The following SEC23A variants were observed in gnomAD, a reference collection of about 807,000 sequenced individuals.
SEC23A encodes SEC23 homolog A, COPII component.
In SEC23A, 56 loss-of-function variants were observed where a neutral mutation model predicts 103.7. That is an observed-to-expected ratio of 0.54 (90% CI 0.44 to 0.67). SEC23A has a LOEUF of 0.67. SEC23A is among the 30% of genes least tolerant of loss of function. The pLI, the probability that SEC23A is intolerant of heterozygous loss-of-function variation, is 0.00. For missense variants in SEC23A, 784 were observed against 936.4 expected, an observed-to-expected ratio of 0.84 and a Z score of 2.12; for synonymous variants, 281 against 293.0, an observed-to-expected ratio of 0.96 and a Z score of 0.42.
intron 3 of SEC23A, 51 bp downstream of exon 3, chr14:39,093,136 G>C: frequency 6.7e-7 from 1 of 1,498,312 alleles, no homozygotes; most frequent in Non-Finnish European, 9.2e-7. Flanking sequence ...CAAAGTGCTG[G>C]GATTACAGGC....
At chr14:39,098,790 TAATAA>T (rs1887982486) in intron 1 of SEC23A, among the ~76,000 whole-genome samples, 1 of 148,066 alleles carries the variant, frequency 6.8e-6, no homozygotes, top group African/African-American at 2.5e-5. Context: ...AAAAAAAATT[TAATAA>T]AATAAAATGA....
At chr14:39,094,438 ATATATTTTTTTTTTT>A (rs1887814811) in intron 2 of SEC23A, among the ~76,000 whole-genome samples, 2 of 15,668 alleles carry the variant, frequency 1.3e-4, no homozygotes, top group African/African-American at 1.3e-3. Flanking sequence ...ATATATATAT[ATATATTTTTTTTTTT>A]TTTTTTTCCC....
chr14:39,067,054 AAAAT>A (rs1886692533), intron 10 of SEC23A, 115 bp downstream of exon 10: 1 of 1,303,314 alleles, frequency 7.7e-7, no homozygotes, highest in Admixed American at 1.7e-5. Context: ...GTTTCAATAT[AAAAT>A]AACCACAATT....
At chr14:39,071,088 A>C (rs1886827051) in intron 9 of SEC23A, among the ~76,000 whole-genome samples, 1 of 152,066 alleles carries the variant, frequency 6.6e-6, no homozygotes, top group Non-Finnish European at 1.5e-5. Flanking sequence ...ACACAAGGAT[A>C]TTCACTCTCA....
chr14:39,033,187 G>A lies in SEC23A; in HGVS notation c.*52C>T. On this transcript the variant is annotated 3_prime_UTR_variant, in exon 20 of 20. Coordinates refer to ENST00000307712, the MANE Select transcript of SEC23A (RefSeq NM_006364.4). The stretch of plus-strand genomic sequence containing the variant: ...CAGATAAATGGAAAAAGGAAAAAAT[G>A]AAATTTGAATATTATTTCATCTTCT... 7.3e-7 allele frequency: 1 copy of A among 1,362,182 alleles called. No homozygotes were observed. Among genetic ancestry groups the A allele is most frequent in the Non-Finnish European group, 1.1e-6 (1 of 950,962 alleles). 84.4% of individuals were successfully genotyped at this position (1,362,182 alleles called of 1,614,324 possible).
intron 14 of SEC23A, among the ~76,000 whole-genome samples, chr14:39,049,103 G>A (rs1469765145): frequency 6.6e-6 from 1 of 151,892 alleles, no homozygotes; most frequent in Non-Finnish European, 1.5e-5. Context: ...CACTTTGGGA[G>A]GCCAAGGTGG....
intron 13 of SEC23A, among the ~76,000 whole-genome samples, chr14:39,059,409 C>T (rs1886391123): frequency 6.6e-6 from 1 of 150,534 alleles, no homozygotes; most frequent in South Asian, 2.1e-4. Context: ...CACCATAACA[C>T]ACATATGTCT....
intron 1 of SEC23A, among the ~76,000 whole-genome samples, chr14:39,098,078 G>A (rs1024382941): frequency 6.6e-6 from 1 of 150,924 alleles, no homozygotes; most frequent in Non-Finnish European, 1.5e-5. Flanking sequence ...GACAGAACAA[G>A]ACTCCATCTC....
At chr14:39,074,645 G>C in intron 8 of SEC23A, 115 bp from the exon 9 acceptor site, 1 of 659,508 alleles carries the variant, frequency 1.5e-6, no homozygotes, top group South Asian at 1.7e-5. Flanking sequence ...TTTAAATTAT[G>C]ATTAGTTATT....
intron 2 of SEC23A, among the ~76,000 whole-genome samples, chr14:39,094,397 CAT>C (rs1242407974): frequency 7.6e-4 from 6 of 7,906 alleles, no homozygotes; most frequent in Non-Finnish European, 5.9e-4. Flanking sequence ...CACACACACA[CAT>C]ATATATATAT....
chr14:39,042,986 T>C, intron 16 of SEC23A, 114 bp from the exon 17 acceptor site: 1 of 732,596 alleles, frequency 1.4e-6, no homozygotes, highest in Non-Finnish European at 2.2e-6. Context: ...TTTATTTATT[T>C]ATTTTTTTGG....
At chr14:39,087,159 G>T in intron 5 of SEC23A, 151 bp from the exon 6 acceptor site, 1 of 647,838 alleles carries the variant, frequency 1.5e-6, no homozygotes. Context: ...GAATCCAGTG[G>T]GAGAGATTAT....
At chr14:39,061,100 AG>A (rs1886456865) in intron 13 of SEC23A, among the ~76,000 whole-genome samples, 1 of 152,182 alleles carries the variant, frequency 6.6e-6, no homozygotes, top group Admixed American at 6.5e-5. Context: ...TAAAACAGGG[AG>A]TTTGTTTTAA....
At chr14:39,054,019 A>C (rs1350718984) in intron 14 of SEC23A, among the ~76,000 whole-genome samples, 1 of 152,196 alleles carries the variant, frequency 6.6e-6, no homozygotes, top group Non-Finnish European at 1.5e-5. Context: ...TCATGCCTGT[A>C]ATCCCAACAC....
intron 9 of SEC23A, among the ~76,000 whole-genome samples, chr14:39,071,420 C>T (rs1472370813): frequency 6.6e-6 from 1 of 152,092 alleles, no homozygotes; most frequent in African/African-American, 2.4e-5. Context: ...CATGGTGCTA[C>T]ATGCCTGTAA....
chr14:39,082,143 T>C (rs1427786146), intron 7 of SEC23A, among the ~76,000 whole-genome samples: 2 of 152,110 alleles, frequency 1.3e-5, no homozygotes, highest in South Asian at 2.1e-4. Flanking sequence ...GGGGAAAACT[T>C]AAGCATCAAA....
intron 13 of SEC23A, among the ~76,000 whole-genome samples, chr14:39,055,877 C>T (rs1886228619): frequency 6.6e-5 from 10 of 152,236 alleles, no homozygotes; most frequent in Admixed American, 5.9e-4. Flanking sequence ...CTAGCAACTT[C>T]AAGTAGTCTG....
intron 14 of SEC23A, among the ~76,000 whole-genome samples, chr14:39,052,471 CA>C (rs1396308984): frequency 1.3e-5 from 2 of 151,908 alleles, no homozygotes; most frequent in Non-Finnish European, 2.9e-5. Context: ...AAGGGACATA[CA>C]AAAAAAATCC....
Position 39,061,812 on chromosome 14 carries a change from C to T in SEC23A, c.1458G>A (p.Gln486=), listed in dbSNP as rs200540771. ...RGAIQFVTQY[Q]HSSGQRRIRV... ...GGATGCGTCTCTGCCCACTTGAATG[C>T]TGATACTGAGTCACAAACTGGATTG... The change falls in exon 13 of 20, where the codon CAG becomes CAA. Residue 486 remains glutamine (Q), a synonymous_variant. Coordinates refer to ENST00000307712, the MANE Select transcript of SEC23A (RefSeq NM_006364.4). 259 of 1,613,820 alleles carry T rather than the reference C, an allele frequency of 1.6e-4. No homozygotes were observed. The highest frequency in any genetic ancestry group is 2.1e-4 in the Non-Finnish European group (246 of 1,179,828).
Sources: allele counts gnomAD v4.1 joint callset (sites outside exome capture counted in the v4.1 genomes callset), GRCh38; gene constraint gnomAD v4.1.1; transcripts MANE v1.5; gene names NCBI Gene and HGNC (gene_info 2026-07-23, HGNC 2026-07-21).